Variants in FAT3 observed in about 807,000 individuals in gnomAD.
FAT3 encodes the protein FAT atypical cadherin 3, also known as protocadherin Fat 3.
In FAT3, 95 loss-of-function variants were observed where a neutral mutation model predicts 310.2. The observed-to-expected ratio is 0.31, with a 90% CI of 0.26 to 0.36. The LOEUF is 0.36. Ranked by LOEUF, FAT3 falls within the 10% of genes least tolerant of loss-of-function variation. The probability of loss-of-function intolerance (pLI) is 1.00; values close to 1 mark genes in which losing one functional copy is unlikely to be tolerated. For missense variants in FAT3, 5,408 were observed against 5,715.6 expected (o/e 0.95, Z 1.74); for synonymous variants, 2,314 against 2,192.9 (o/e 1.06, Z -1.54).
chr11:92,532,870 AG>A (rs1954128204), intron 3 of FAT3, among the ~76,000 whole-genome samples: 1 of 152,106 alleles, frequency 6.6e-6, no homozygotes, highest in African/African-American at 2.4e-5. Context: ...CTAGATGAAA[AG>A]GGGGGAAGAA....
chr11:92,835,845 A>G (rs963426179), intron 15 of FAT3, among the ~76,000 whole-genome samples: 1 of 152,190 alleles, frequency 6.6e-6, no homozygotes, highest in Non-Finnish European at 1.5e-5. Flanking sequence ...CAGTAAGAAC[A>G]AGCCATGTAT....
At chr11:92,559,463 C>A (rs776119186) in intron 3 of FAT3, 2 of 374,128 alleles carry the variant, frequency 5.3e-6, no homozygotes, top group South Asian at 3.9e-5. Flanking sequence ...TAGCTCACTG[C>A]AATCTCGAAC....
intron 3 of FAT3, among the ~76,000 whole-genome samples, chr11:92,555,875 G>A (rs144645488): frequency 1.5e-3 from 231 of 152,300 alleles, no homozygotes; most frequent in Non-Finnish European, 2.5e-3. Flanking sequence ...TAGCCTATTG[G>A]TTAAGAGTGT....
intron 4 of FAT3, among the ~76,000 whole-genome samples, chr11:92,753,934 T>C (rs945749414): frequency 3.3e-5 from 5 of 151,856 alleles, no homozygotes; most frequent in Non-Finnish European, 7.4e-5. Flanking sequence ...CTCACTGATA[T>C]GTGGGAGCTA....
intron 1 of FAT3, among the ~76,000 whole-genome samples, chr11:92,242,769 A>G (rs1400016302): frequency 6.6e-6 from 1 of 152,064 alleles, no homozygotes; most frequent in Admixed American, 6.6e-5. Context: ...AATAGGACTT[A>G]TATTCAGTGC....
chr11:92,585,694 T>C (rs1180950205), intron 3 of FAT3, among the ~76,000 whole-genome samples: 1 of 152,038 alleles, frequency 6.6e-6, no homozygotes, highest in Admixed American at 6.6e-5. Flanking sequence ...TTATAGCTAA[T>C]AACAGTTTCA....
Position 92,791,404 on chromosome 11 carries a change from G to C in FAT3, c.4611+1186G>C, listed in dbSNP as rs575638002. Among the ~76,000 whole-genome samples the C allele has an allele frequency of 3.9e-5, 6 of 152,320 alleles. 1 individual carries two copies. The South Asian group carries it at 1.2e-3, about 32-fold the overall frequency. On this transcript the variant is annotated intron_variant, in intron 8 of 27. Coordinates refer to ENST00000525166, the MANE Select transcript of FAT3 (RefSeq NM_001367949.2). ...ACCAGTCTGCAGACAGGGAAATTCA[G>C]CATATTCACTGAGCTAATTCTGCAT... is the stretch of plus-strand genomic sequence containing the variant.
intron 1 of FAT3, among the ~76,000 whole-genome samples, chr11:92,299,141 G>GTAC (rs1268944675): frequency 3.9e-5 from 6 of 152,036 alleles, no homozygotes; most frequent in African/African-American, 1.4e-4. Flanking sequence ...GATTGTAGGG[G>GTAC]TACACCAAAG....
At chr11:92,747,176 A>T (rs1945695863) in intron 4 of FAT3, among the ~76,000 whole-genome samples, 2 of 151,566 alleles carry the variant, frequency 1.3e-5, no homozygotes, top group Non-Finnish European at 2.9e-5. Context: ...CCCCTGCAGC[A>T]AACTTCTGCC....
intron 2 of FAT3, among the ~76,000 whole-genome samples, chr11:92,453,754 CTG>C (rs1951424603): frequency 2.0e-5 from 3 of 152,098 alleles, no homozygotes. Context: ...CAAGTAACAA[CTG>C]TTAATTGTCT....
chr11:92,836,545 T>C (rs1479674882), intron 15 of FAT3, 21 bp from the exon 16 acceptor site: 1 of 1,610,704 alleles, frequency 6.2e-7, no homozygotes, highest in South Asian at 1.1e-5. Flanking sequence ...CTTTTCTTTG[T>C]TTTGCTTGTT....
At chr11:92,466,473 A>G (rs936599179) in intron 2 of FAT3, among the ~76,000 whole-genome samples, 1 of 151,810 alleles carries the variant, frequency 6.6e-6, no homozygotes, top group African/African-American at 2.4e-5. Context: ...CTTCAAATCT[A>G]TCACTTATGC....
chr11:92,258,113 A>T (rs1050963317), intron 1 of FAT3, among the ~76,000 whole-genome samples: 2 of 152,114 alleles, frequency 1.3e-5, no homozygotes, highest in Non-Finnish European at 2.9e-5. Flanking sequence ...CTCAAGTTTT[A>T]TTACTGGCTG....
chr11:92,405,560 C>T (rs1241976774), intron 2 of FAT3, among the ~76,000 whole-genome samples: 1 of 152,156 alleles, frequency 6.6e-6, no homozygotes, highest in African/African-American at 2.4e-5. Context: ...AGTTTGAGAC[C>T]AGCCTGGGCA....
At chr11:92,862,508 G>A (rs1432901802) in intron 21 of FAT3, among the ~76,000 whole-genome samples, 1 of 152,114 alleles carries the variant, frequency 6.6e-6, no homozygotes, top group East Asian at 1.9e-4. Flanking sequence ...TATTTTCGGG[G>A]GAAGTTATAA....
At chr11:92,734,617 C>T (rs1275191459) in intron 4 of FAT3, among the ~76,000 whole-genome samples, 2 of 152,048 alleles carry the variant, frequency 1.3e-5, no homozygotes, top group African/African-American at 4.8e-5. Context: ...AAGCAATGCT[C>T]TTATTTGCTT....
chr11:92,886,593 C>A (rs187817436), intron 24 of FAT3, among the ~76,000 whole-genome samples: 9 of 152,290 alleles, frequency 5.9e-5, no homozygotes, highest in African/African-American at 2.2e-4. Context: ...AATATTTATA[C>A]CCCATTTTAA....
intron 7 of FAT3, among the ~76,000 whole-genome samples, chr11:92,775,033 G>A (rs1206653108): frequency 6.6e-6 from 1 of 152,072 alleles, no homozygotes; most frequent in Non-Finnish European, 1.5e-5. Flanking sequence ...ATGGCAGAGA[G>A]CTGGCACACA....
chr11:92,687,561 C>A (rs1035750203), intron 3 of FAT3, among the ~76,000 whole-genome samples: 4 of 152,154 alleles, frequency 2.6e-5, no homozygotes, highest in African/African-American at 7.2e-5. Context: ...TGTGTTAGAT[C>A]TTGCCTTGTA....
Sources: gnomAD v4.1 joint callset for allele counts (sites outside exome capture counted in the v4.1 genomes callset) on GRCh38, gnomAD v4.1.1 for gene constraint, MANE v1.5 for transcripts, NCBI Gene and HGNC (gene_info 2026-07-23, HGNC 2026-07-21) for gene names.